The following AATK variants were observed in gnomAD, a reference collection of about 807,000 sequenced individuals.
The protein encoded by AATK is serine/threonine-protein kinase LMTK1.
Under a neutral mutation model 114.3 loss-of-function variants are expected in AATK, and 91 were observed. The observed-to-expected ratio is 0.80, with a 90% confidence interval of 0.67 to 0.95. The LOEUF (loss-of-function observed/expected upper bound fraction) is 0.95, where lower values mean the gene tolerates loss of function less well. Ranked by LOEUF, AATK falls within the 40% of genes least tolerant of loss-of-function variation. AATK has a pLI of 0.00. For synonymous variants in AATK, 1,075 were observed against 916.5 expected (o/e 1.17, Z -3.12); for missense variants, 2,176 against 1,965.2 (o/e 1.11, Z -2.03).
At chr17:81,150,724 C>A (rs541263206) in intron 1 of AATK, among the ~76,000 whole-genome samples, 1 of 152,232 alleles carries the variant, frequency 6.6e-6, no homozygotes, top group African/African-American at 2.4e-5. Context: ...TGGAAGCGGG[C>A]TCTGGCCCCT....
intron 1 of AATK, among the ~76,000 whole-genome samples, chr17:81,137,352 C>T (rs1007918311): frequency 1.3e-5 from 2 of 152,030 alleles, no homozygotes; most frequent in Admixed American, 6.5e-5. Context: ...GACACCAGTG[C>T]GCCCAGCCCT....
intron 1 of AATK, among the ~76,000 whole-genome samples, chr17:81,141,949 TTCCTTTCC>T (rs775437292): frequency 7.5e-6 from 1 of 133,528 alleles, no homozygotes; most frequent in Admixed American, 8.8e-5. Context: ...CCTTCCTTCC[TTCCTTTCC>T]TTCCTTCCTT....
In AATK at chr17:81,121,480, G is replaced by T. The variant is rs571109880; in HGVS notation, c.2456C>A (p.Ala819Asp). The change falls in exon 11 of 14, where the codon GCC becomes GAC. Residue 819 changes from alanine (A) to aspartate (D), a missense_variant. Around this residue, in one of 4 missense-constraint regions of AATK, gnomAD observed 1,701 missense variants for 1,394.7 expected, o/e 1.22. Transcript: ENST00000326724. ...LPSEEASAPD[A>D]PDALPDSPTP... ...GGGAGAGTCAGGCAGGGCATCAGGG[G>T]CGTCGGGGGCACTGGCCTCCTCCGA... is the stretch of plus-strand genomic sequence containing the variant. 3.8e-6 allele frequency: 6 copies of T among 1,569,610 alleles called. No homozygotes were observed. Among genetic ancestry groups the T allele is most frequent in the Non-Finnish European group, 5.2e-6 (6 of 1,156,292 alleles).
At position 81,122,812 on chromosome 17, in the gene AATK, A is replaced by G; in HGVS notation, c.1124T>C (p.Met375Thr). 1 of 1,560,654 alleles carries G rather than the reference A, an allele frequency of 6.4e-7. No individual in the cohort carries two copies. The highest frequency in any genetic ancestry group is 8.7e-7 in the Non-Finnish European group (1 of 1,152,482). ...CTCGGGCTGCAGCCAGCAGAACTGC[A>G]TCACCTCGTACCTGCGAGGAGGTCC... ...LTLSDRWYEVMQFCWLQPEQR... is the reference protein window; with the variant it reads ...LTLSDRWYEVTQFCWLQPEQR... Residue 375 changes from methionine (M) to threonine (T), a missense_variant, in exon 11 of 14, where the codon ATG (methionine) becomes ACG (threonine). Transcript: ENST00000326724.
intron 9 of AATK, among the ~76,000 whole-genome samples, chr17:81,123,954 C>T (rs1007572829): frequency 6.6e-6 from 1 of 152,144 alleles, no homozygotes; most frequent in African/African-American, 2.4e-5. Context: ...ATGACCTTGG[C>T]CAGAGCCCTG....
intron 1 of AATK, among the ~76,000 whole-genome samples, chr17:81,141,141 T>C (rs1046401658): frequency 2.0e-5 from 3 of 152,096 alleles, no homozygotes; most frequent in South Asian, 2.1e-4. Flanking sequence ...CTCCACCACA[T>C]TGACTATAGC....
chr17:81,160,949 C>T (rs1244395834), intron 1 of AATK, among the ~76,000 whole-genome samples: 6 of 152,210 alleles, frequency 3.9e-5, no homozygotes, highest in Admixed American at 1.3e-4. Context: ...GAGGATGCCA[C>T]GCAGCTGTGG....
chr17:81,121,672 G>A lies in AATK; in HGVS notation c.2264C>T (p.Ala755Val), dbSNP rs200015615. Residue 755 changes from alanine to valine, a missense_variant, in exon 11 of 14, where the codon GCA becomes GTA. Ala to Val is a moderately conservative substitution (Grantham distance 64, BLOSUM62 0). Around this residue, in one of 4 missense-constraint regions of AATK, gnomAD observed 1,701 missense variants for 1,394.7 expected, o/e 1.22. Transcript: ENST00000326724. Reference protein sequence around the residue: ...LPHLCSAQGLAPAPCLVTPSW... With the variant: ...LPHLCSAQGLVPAPCLVTPSW... ...GGGTGTAACCAGGCAGGGAGCAGGT[G>A]CCAGGCCCTGGGCAGAGCATAGATG... is the stretch of plus-strand genomic sequence containing the variant. 18 of 1,499,450 alleles carry A rather than the reference G, an allele frequency of 1.2e-5. No homozygotes were observed. In the Admixed American group the frequency reaches 3.2e-4, roughly 26 times the overall value. 92.9% of individuals were successfully genotyped at this position (1,499,450 alleles called of 1,614,324 possible). A position where few individuals can be genotyped will look rare whatever the true frequency, so the allele number is the denominator to read the frequency against.
At position 81,127,688 on chromosome 17, in the gene AATK, C is replaced by A. The variant is rs532964037; in HGVS notation, c.534-18G>T. ...TCAGGGCCCTGCGGGAGTGGACAGG[C>A]GGCCCCTGACTTGGGAGGAGGTGGG... On this transcript the variant is annotated intron_variant, in intron 5 of 13. Coordinates refer to ENST00000326724, the MANE Select transcript of AATK (RefSeq NM_001080395.3). The A allele has an allele frequency of 1.3e-6, 2 of 1,553,002 alleles. No homozygotes were observed. Among genetic ancestry groups the A allele is most frequent in the Non-Finnish European group, 1.7e-6 (2 of 1,146,316 alleles).
At chr17:81,128,756 G>T (rs2060886416) in intron 3 of AATK, 10 of 1,387,370 alleles carry the variant, frequency 7.2e-6, no homozygotes, top group Non-Finnish European at 9.4e-6. Context: ...CCACGGAGCT[G>T]CAGGATCCAT....
Position 81,120,883 on chromosome 17 carries a change from T to C in AATK, c.3053A>G (p.Asp1018Gly), listed in dbSNP as rs771409889. 1.3e-6 allele frequency: 2 copies of C among 1,579,412 alleles called. No individual in the cohort carries two copies. Among genetic ancestry groups the C allele is most frequent in the Non-Finnish European group, 1.7e-6 (2 of 1,163,072 alleles). ...GCCCAGCTCTGGCCCGGGGGCTCGG[T>C]CCCCGCCGCACTTCTTCTCTGGGCC... is the stretch of plus-strand genomic sequence containing the variant. ...TSGPEKKCGG[D>G]RAPGPELGLP... is the part of the protein sequence containing the mutation. The change falls in exon 11 of 14, where the codon GAC (aspartate) becomes GGC (glycine). Residue 1018 changes from aspartate to glycine, a missense_variant. Physicochemically the swap from Asp to Gly is moderately conservative, Grantham distance 94 (BLOSUM62 -1). Around this residue, in one of 4 missense-constraint regions of AATK, gnomAD observed 1,701 missense variants for 1,394.7 expected, o/e 1.22. Coordinates refer to ENST00000326724, the MANE Select transcript of AATK (RefSeq NM_001080395.3).
In AATK at chr17:81,122,120, G is replaced by A. The variant is rs373561527; in HGVS notation, c.1816C>T (p.Pro606Ser). 29 of 1,550,430 alleles carry A rather than the reference G, an allele frequency of 1.9e-5. No homozygotes were observed. Among genetic ancestry groups the A allele is most frequent in the Middle Eastern group, 1.7e-4 (1 of 5,860 alleles). Reference sequence around the variant, plus strand: ...GCCGAGGGCGAGGGAGAGCGTGAGGGGCAGAGCGGGTCCCGCGCCAAGCTT... The same window carrying A: ...GCCGAGGGCGAGGGAGAGCGTGAGGAGCAGAGCGGGTCCCGCGCCAAGCTT... The part of the protein sequence containing the change: ...RRSLARDPLC[P>S]SRSPSPSAGP... The change falls in exon 11 of 14, where the codon CCC (proline) becomes TCC (serine). Residue 606 changes from proline (P) to serine (S), a missense_variant. Pro to Ser is a moderately conservative substitution (Grantham distance 74). This residue lies in a region of AATK where 1,701 missense variants were observed against 1,394.7 expected (regional missense o/e 1.22). Coordinates refer to ENST00000326724, the MANE Select transcript of AATK (RefSeq NM_001080395.3).
At chr17:81,119,233 G>GT in intron 13 of AATK, 147 bp downstream of exon 13, 1 of 211,862 alleles carries the variant, frequency 4.7e-6, no homozygotes, top group East Asian at 1.8e-4. Context: ...TAGGTCTGGG[G>GT]CCGGGAAGGA....
At chr17:81,161,387 G>C (rs946244650) in intron 1 of AATK, among the ~76,000 whole-genome samples, 1 of 152,202 alleles carries the variant, frequency 6.6e-6, no homozygotes, top group Non-Finnish European at 1.5e-5. Flanking sequence ...ATTGGATTCA[G>C]GGCCCACCCT....
chr17:81,119,364 C>T lies in AATK; in HGVS notation c.4084+16G>A. Reference sequence around the variant, plus strand: ...CTCCCGCGTGCCCTTCTGCCACAGCCCCGCCCAGGCCTCACCTCTCTTGGA... The same window carrying T: ...CTCCCGCGTGCCCTTCTGCCACAGCTCCGCCCAGGCCTCACCTCTCTTGGA... On this transcript the variant is annotated intron_variant, in intron 13 of 13. Transcript: ENST00000326724. The T allele has an allele frequency of 4.4e-6, 3 of 686,220 alleles. No individual in the cohort carries two copies. The South Asian group carries it at 6.0e-5, about 14-fold the overall frequency. 42.5% of individuals were successfully genotyped at this position (686,220 alleles called of 1,614,324 possible).
chr17:81,153,132 G>T (rs898078899), intron 1 of AATK, among the ~76,000 whole-genome samples: 4 of 152,104 alleles, frequency 2.6e-5, no homozygotes, highest in African/African-American at 9.7e-5. Context: ...ATGAGCCACC[G>T]CACCTGGCCT....
chr17:81,160,149 C>T (rs2061413101), intron 1 of AATK: 3 of 621,802 alleles, frequency 4.8e-6, no homozygotes, highest in South Asian at 7.1e-5. Context: ...AGGGTCCCTG[C>T]AGGAGCAGGA....
chr17:81,119,278 G>C (rs962258186), intron 13 of AATK, 102 bp downstream of exon 13: 2 of 1,272,326 alleles, frequency 1.6e-6, no homozygotes, highest in East Asian at 3.0e-5. Flanking sequence ...GAGCGGAGCC[G>C]GGGCTGGCCC....
At chr17:81,155,743 C>T (rs2061354199) in intron 1 of AATK, among the ~76,000 whole-genome samples, 1 of 151,486 alleles carries the variant, frequency 6.6e-6, no homozygotes, top group Non-Finnish European at 1.5e-5. Flanking sequence ...TGGAGTGCAG[C>T]GGTGCCATCA....
Sources: gnomAD v4.1 joint callset for allele counts (sites outside exome capture counted in the v4.1 genomes callset) on GRCh38, gnomAD v4.1.1 for gene constraint, gnomAD v4.1.1 regional missense constraint, MANE v1.5 for transcripts, NCBI Gene and HGNC (gene_info 2026-07-23, HGNC 2026-07-21) for gene names.